GABRG3: variants seen among roughly 807,000 people sequenced by gnomAD.
The protein encoded by GABRG3 is gamma-aminobutyric acid receptor subunit gamma-3.
A neutral mutation model predicts 48.8 loss-of-function variants in GABRG3; 25 were observed. That is an observed-to-expected ratio of 0.51 (90% CI 0.37 to 0.72). The LOEUF is 0.72. Among genes scored for constraint, GABRG3 ranks in the 30% least tolerant of loss-of-function variants. GABRG3 has a pLI of 0.00. For synonymous variants in GABRG3, 227 were observed against 217.6 expected (o/e 1.04, Z -0.38); for missense variants, 394 against 577.9 (o/e 0.68, Z 3.26).
At chr15:27,130,887 T>C (rs1325844596) in intron 3 of GABRG3, among the ~76,000 whole-genome samples, 4 of 152,110 alleles carry the variant, frequency 2.6e-5, no homozygotes, top group African/African-American at 9.6e-5. Context: ...CTTTACTTAC[T>C]TCATTTGTTA....
intron 2 of GABRG3, among the ~76,000 whole-genome samples, chr15:27,021,687 T>G (rs1425067716): frequency 1.3e-5 from 2 of 151,834 alleles, no homozygotes; most frequent in African/African-American, 2.4e-5. Context: ...CAAAAAAAAT[T>G]AAAAAATTAG....
intron 3 of GABRG3, among the ~76,000 whole-genome samples, chr15:27,248,352 T>C (rs1890329972): frequency 1.3e-5 from 2 of 152,210 alleles, no homozygotes; most frequent in Admixed American, 1.3e-4. Flanking sequence ...GCCACTTGTT[T>C]GTTTCCAGTG....
At chr15:27,473,577 G>T (rs1375205512) in intron 5 of GABRG3, among the ~76,000 whole-genome samples, 1 of 152,122 alleles carries the variant, frequency 6.6e-6, no homozygotes, top group Non-Finnish European at 1.5e-5. Context: ...TGGCTGATCA[G>T]CTTTTAGTTT....
intron 3 of GABRG3, among the ~76,000 whole-genome samples, chr15:27,250,897 C>A (rs994343781): frequency 1.3e-5 from 2 of 151,750 alleles, no homozygotes; most frequent in African/African-American, 4.9e-5. Flanking sequence ...CTGGGTGCAG[C>A]GCTTCTCTGT....
chr15:27,440,199 T>C (rs1394343915), intron 5 of GABRG3, among the ~76,000 whole-genome samples: 1 of 152,146 alleles, frequency 6.6e-6, no homozygotes, highest in Non-Finnish European at 1.5e-5. Flanking sequence ...CAATGCACCG[T>C]CTTAACTCAT....
chr15:27,282,611 A>T (rs1891472794), intron 3 of GABRG3, among the ~76,000 whole-genome samples: 1 of 151,742 alleles, frequency 6.6e-6, no homozygotes, highest in African/African-American at 2.4e-5. Flanking sequence ...TCATTTTTTC[A>T]TTTGTGTCCA....
intron 3 of GABRG3, among the ~76,000 whole-genome samples, chr15:27,146,964 T>G (rs945196248): frequency 6.6e-6 from 1 of 152,042 alleles, no homozygotes; most frequent in African/African-American, 2.4e-5. Flanking sequence ...GTAAATAGTT[T>G]AAATATTGCA....
intron 5 of GABRG3, among the ~76,000 whole-genome samples, chr15:27,458,533 G>A (rs917729505): frequency 3.3e-5 from 5 of 152,230 alleles, no homozygotes; most frequent in Admixed American, 3.3e-4. Context: ...CAGCTGCCTC[G>A]CAATTTGAGG....
chr15:27,517,280 G>A (rs1356693021), intron 6 of GABRG3, among the ~76,000 whole-genome samples: 1 of 152,108 alleles, frequency 6.6e-6, no homozygotes, highest in Admixed American at 6.6e-5. Flanking sequence ...CTCCGTCATT[G>A]CCAGTATCGT....
chr15:27,117,630 A>G (rs1241756481), intron 3 of GABRG3, among the ~76,000 whole-genome samples: 1 of 152,196 alleles, frequency 6.6e-6, no homozygotes, highest in Non-Finnish European at 1.5e-5. Context: ...ACCCATTCCC[A>G]TTTCAGGGCT....
chr15:27,521,908 A>G (rs1187458310), intron 7 of GABRG3, among the ~76,000 whole-genome samples: 1 of 152,034 alleles, frequency 6.6e-6, no homozygotes, highest in Non-Finnish European at 1.5e-5. Context: ...ACTATAACTG[A>G]GGTGATAGTT....
At chr15:27,110,757 C>A (rs1897535340) in intron 3 of GABRG3, among the ~76,000 whole-genome samples, 1 of 152,148 alleles carries the variant, frequency 6.6e-6, no homozygotes, top group African/African-American at 2.4e-5. Context: ...AATTCCTAAA[C>A]TCACACTTCT....
At position 27,323,907 on chromosome 15, in the gene GABRG3, G is replaced by C. The variant is rs1463823240; in HGVS notation, c.271-2902G>C. 1.3e-5 allele frequency among the ~76,000 whole-genome samples: 2 copies of C among 152,128 alleles called. 1 individual carries two copies. The highest frequency in any genetic ancestry group is 2.9e-5 in the Non-Finnish European group (2 of 68,008). ...ACACAGTCTCTCAGGGCCTGAATGG[G>C]TGAGCAGGTCCCACATGGGCTCTTC... On this transcript the variant is annotated intron_variant, in intron 3 of 9. Coordinates refer to ENST00000615808, the MANE Select transcript of GABRG3 (RefSeq NM_033223.5).
At chr15:27,351,313 T>C (rs1397513102) in intron 5 of GABRG3, among the ~76,000 whole-genome samples, 2 of 148,892 alleles carry the variant, frequency 1.3e-5, no homozygotes, top group Non-Finnish European at 3.0e-5. Flanking sequence ...GTGTGTATGG[T>C]GTATGTGTAT....
At chr15:27,287,956 C>T (rs1011702816) in intron 3 of GABRG3, among the ~76,000 whole-genome samples, 8 of 152,092 alleles carry the variant, frequency 5.3e-5, no homozygotes, top group Non-Finnish European at 8.8e-5. Flanking sequence ...CCAGGATGGT[C>T]TTGATCTCCT....
chr15:27,189,554 C>T (rs979066827), intron 3 of GABRG3, among the ~76,000 whole-genome samples: 7 of 151,964 alleles, frequency 4.6e-5, no homozygotes, highest in African/African-American at 9.6e-5. Context: ...TATAAGAATG[C>T]TTGTGATTTT....
intron 6 of GABRG3, among the ~76,000 whole-genome samples, chr15:27,504,607 G>C (rs532197926): frequency 1.3e-5 from 2 of 152,144 alleles, no homozygotes; most frequent in South Asian, 4.1e-4. Context: ...ATTTAAATAG[G>C]ATGAAAATAA....
At chr15:26,994,596 T>A (rs1895307169) in intron 2 of GABRG3, among the ~76,000 whole-genome samples, 1 of 152,094 alleles carries the variant, frequency 6.6e-6, no homozygotes, top group Admixed American at 6.5e-5. Context: ...CATCATTTAT[T>A]CTTTCTATTT....
chr15:27,148,203 T>A (rs1223295970), intron 3 of GABRG3, among the ~76,000 whole-genome samples: 2 of 151,938 alleles, frequency 1.3e-5, no homozygotes, highest in African/African-American at 4.8e-5. Flanking sequence ...TCTATAATAT[T>A]TAGATTATTA....
Sources: allele counts gnomAD v4.1 joint callset (sites outside exome capture counted in the v4.1 genomes callset), GRCh38; gene constraint gnomAD v4.1.1; transcripts MANE v1.5; gene names NCBI Gene and HGNC (gene_info 2026-07-23, HGNC 2026-07-21).